The following SLFN12L variants were observed in gnomAD, a reference collection of about 807,000 sequenced individuals.
SLFN12L encodes the protein schlafen family member 12-like.
SLFN12L carries 34 observed loss-of-function variants against 34.8 expected under a neutral mutation model. That is an observed-to-expected ratio of 0.98 (90% CI 0.74 to 1.30). The LOEUF is 1.30. Ranked by LOEUF, SLFN12L falls within the 50% of genes most tolerant of loss-of-function variation. SLFN12L has a pLI of 0.00. For missense variants in SLFN12L, 703 were observed against 696.2 expected (o/e 1.01, Z -0.11); for synonymous variants, 259 against 247.5 (o/e 1.05, Z -0.44).
intron 2 of SLFN12L, chr17:35,500,409 G>C (rs1033801695): frequency 6.6e-6 from 1 of 152,226 alleles, no homozygotes; most frequent in African/African-American, 2.4e-5. Context: ...ATAGCCTGGC[G>C]CCATGCCTCA....
At chr17:35,476,102 A>C (rs1913992195) in intron 4 of SLFN12L, among the ~76,000 whole-genome samples, 1 of 152,084 alleles carries the variant, frequency 6.6e-6, no homozygotes, top group South Asian at 2.1e-4. Context: ...ATATCACAGC[A>C]TGGGTAAATA....
chr17:35,469,840 A>G lies in SLFN12L; in HGVS notation c.*5083T>C, dbSNP rs1957383737. Among the ~76,000 whole-genome samples, 1 of 152,180 alleles carries G rather than the reference A, an allele frequency of 6.6e-6. No homozygotes were observed. Among genetic ancestry groups the G allele is most frequent in the South Asian group, 2.1e-4 (1 of 4,828 alleles). ...AACTGGGGACCGTCCCTAGGCCCCA[A>G]AGCCCATCAGAATTATTCAAACTAT... On this transcript the variant is annotated 3_prime_UTR_variant, in exon 5 of 5. Transcript: ENST00000628453.
At chr17:35,501,745 T>C (rs2142150846) in intron 2 of SLFN12L, among the ~76,000 whole-genome samples, 1 of 152,332 alleles carries the variant, frequency 6.6e-6, no homozygotes, top group South Asian at 2.1e-4. Context: ...TAAGGTAGAC[T>C]GGCCAGCATT....
intron 1 of SLFN12L, among the ~76,000 whole-genome samples, chr17:35,535,237 C>A (rs1254912652): frequency 6.8e-6 from 1 of 147,858 alleles, no homozygotes; most frequent in African/African-American, 2.5e-5. Flanking sequence ...GTTGCCCAGG[C>A]TGGAGTGCAA....
At chr17:35,483,967 G>T (rs1312834969) in intron 2 of SLFN12L, among the ~76,000 whole-genome samples, 2 of 152,204 alleles carry the variant, frequency 1.3e-5, no homozygotes, top group Non-Finnish European at 2.9e-5. Flanking sequence ...TACATCAAGA[G>T]AATTCATATG....
chr17:35,521,322 G>A (rs1915989848), intron 2 of SLFN12L, among the ~76,000 whole-genome samples: 1 of 152,224 alleles, frequency 6.6e-6, no homozygotes, highest in African/African-American at 2.4e-5. Flanking sequence ...ATGTACTATG[G>A]TTGTGAAAAG....
At chr17:35,525,039 A>G (rs1200371895) in intron 1 of SLFN12L, among the ~76,000 whole-genome samples, 1 of 152,060 alleles carries the variant, frequency 6.6e-6, no homozygotes, top group East Asian at 1.9e-4. Context: ...TGAAAAACAC[A>G]GCACGAGAAC....
intron 2 of SLFN12L, among the ~76,000 whole-genome samples, chr17:35,502,780 A>G (rs1915344804): frequency 6.6e-6 from 1 of 152,232 alleles, no homozygotes; most frequent in African/African-American, 2.4e-5. Flanking sequence ...TAGACAGTCT[A>G]GTCCACAGAC....
chr17:35,487,974 TGAG>T, intron 2 of SLFN12L: 2 of 676,384 alleles, frequency 3.0e-6, no homozygotes, highest in Admixed American at 4.1e-5. Context: ...TTTGGGAGGC[TGAG>T]GAGGGTGGAT....
intron 2 of SLFN12L, among the ~76,000 whole-genome samples, chr17:35,521,356 A>G (rs1915990730): frequency 6.6e-6 from 1 of 152,250 alleles, no homozygotes; most frequent in Non-Finnish European, 1.5e-5. Context: ...TGTGGTAATG[A>G]AAGAGGGAAC....
intron 2 of SLFN12L, among the ~76,000 whole-genome samples, chr17:35,512,989 C>T (rs1915704080): frequency 6.6e-6 from 1 of 152,124 alleles, no homozygotes; most frequent in Non-Finnish European, 1.5e-5. Flanking sequence ...TTTCCCTCCT[C>T]TATTTGCCCT....
intron 2 of SLFN12L, among the ~76,000 whole-genome samples, chr17:35,515,589 C>T (rs1421228952): frequency 1.3e-5 from 2 of 151,198 alleles, no homozygotes; most frequent in African/African-American, 2.4e-5. Context: ...TCGCCTCAGC[C>T]TTCTGCGTAG....
rs373139957 is a variant in SLFN12L, at chr17:35,480,081, C to T, written c.201G>A (p.Glu67=). The T allele has an allele frequency of 1.9e-6, 3 of 1,613,882 alleles. No homozygotes were observed. Among genetic ancestry groups the T allele is most frequent in the African/African-American group, 2.7e-5 (2 of 74,872 alleles). ...VLNVGRVTLG[E]NNRKKMKDCQ... ...AATCCTTCATTTTTTTTCTATTGTTCTCTCCAAGAGTGACTCTTCCCACAT... is the reference window on the plus strand; with the variant it reads ...AATCCTTCATTTTTTTTCTATTGTTTTCTCCAAGAGTGACTCTTCCCACAT... Residue 67 remains glutamate (E), a synonymous_variant, in exon 3 of 5, where the codon GAG becomes GAA. Transcript: ENST00000628453.
chr17:35,514,768 A>G, intron 2 of SLFN12L: 1 of 394,936 alleles, frequency 2.5e-6, no homozygotes, highest in South Asian at 2.0e-5. Flanking sequence ...TTTGTTTCTC[A>G]TTCCACATCG....
At position 35,522,960 on chromosome 17, in the gene SLFN12L, C is replaced by A. The variant is rs772688738; in HGVS notation, c.-596G>T. ...GGATTCCAGAGTACATCGCAAATAT[C>A]CTGGTAGCACTAGATGTGAAAAGAA... On this transcript the variant is annotated 5_prime_UTR_variant, in exon 2 of 5. Coordinates refer to ENST00000628453, the MANE Select transcript of SLFN12L (RefSeq NM_001363830.2). 9.4e-5 allele frequency: 49 copies of A among 523,010 alleles called. No homozygotes were observed. The highest frequency in any genetic ancestry group is 1.6e-4 in the Non-Finnish European group (47 of 292,082). 32.4% of individuals were successfully genotyped at this position (523,010 alleles called of 1,614,324 possible). A position where few individuals can be genotyped will look rare whatever the true frequency, so the allele number is the denominator to read the frequency against.
chr17:35,498,372 CATT>C, intron 2 of SLFN12L: 1 of 1,090,688 alleles, frequency 9.2e-7, no homozygotes, highest in Non-Finnish European at 1.4e-6. Flanking sequence ...CAGAGAATCT[CATT>C]GTGCCGACAT....
intron 2 of SLFN12L, chr17:35,510,090 G>A (rs1200842237): frequency 6.6e-6 from 1 of 152,198 alleles, no homozygotes; most frequent in East Asian, 1.9e-4. Flanking sequence ...ATGGATTAAT[G>A]AGATGATAGG....
intron 2 of SLFN12L, chr17:35,490,301 C>G: frequency 2.0e-6 from 3 of 1,467,718 alleles, no homozygotes; most frequent in Middle Eastern, 2.0e-4. Flanking sequence ...AAGAGCTGCA[C>G]TAAGAAGTCC....
chr17:35,489,902 A>G, intron 2 of SLFN12L: 2 of 931,786 alleles, frequency 2.1e-6, no homozygotes, highest in Non-Finnish European at 3.3e-6. Context: ...ATGACAGTTT[A>G]TACAGCACAG....
Sources: gnomAD v4.1 joint callset for allele counts (sites outside exome capture counted in the v4.1 genomes callset) on GRCh38, gnomAD v4.1.1 for gene constraint, MANE v1.5 for transcripts, NCBI Gene and HGNC (gene_info 2026-07-23, HGNC 2026-07-21) for gene names.